Variants in ROBO2 observed in about 807,000 individuals in gnomAD.
ROBO2 encodes roundabout homolog 2.
A neutral mutation model predicts 160.8 loss-of-function variants in ROBO2; 53 were observed. That is an observed-to-expected ratio of 0.33 (90% confidence interval 0.26 to 0.41). The LOEUF is 0.41. ROBO2 is among the 10% of genes least tolerant of loss of function. ROBO2 has a pLI of 1.00. For synonymous variants in ROBO2, 664 were observed against 611.7 expected (o/e 1.09, Z -1.26); for missense variants, 1,577 against 1,722.4 (o/e 0.92, Z 1.49).
intron 2 of ROBO2, among the ~76,000 whole-genome samples, chr3:77,402,501 A>G (rs1359289854): frequency 6.6e-6 from 1 of 152,214 alleles, no homozygotes; most frequent in East Asian, 1.9e-4. Context: ...GCAATCTCCC[A>G]GTAAACAGAA....
chr3:76,854,915 A>T (rs1268493959), intron 2 of ROBO2, among the ~76,000 whole-genome samples: 1 of 152,116 alleles, frequency 6.6e-6, no homozygotes, highest in East Asian at 1.9e-4. Flanking sequence ...AACCAAAAGA[A>T]CCTAATTGTA....
intron 2 of ROBO2, among the ~76,000 whole-genome samples, chr3:75,957,873 A>G (rs1948776218): frequency 6.6e-6 from 1 of 151,654 alleles, no homozygotes; most frequent in Non-Finnish European, 1.5e-5. Context: ...AGCTTTGTTC[A>G]GTTATATACT....
intron 2 of ROBO2, among the ~76,000 whole-genome samples, chr3:77,105,672 G>T (rs752784322): frequency 6.6e-6 from 1 of 152,114 alleles, no homozygotes; most frequent in Non-Finnish European, 1.5e-5. Context: ...TTGATACGAG[G>T]TTTATTTCTG....
At chr3:76,183,154 C>G (rs1025926151) in intron 2 of ROBO2, among the ~76,000 whole-genome samples, 1 of 152,104 alleles carries the variant, frequency 6.6e-6, no homozygotes, top group African/African-American at 2.4e-5. Context: ...TTCAGCTGTG[C>G]TGTCCAGCAG....
chr3:76,672,031 A>C (rs993975931), intron 2 of ROBO2, among the ~76,000 whole-genome samples: 5 of 152,110 alleles, frequency 3.3e-5, no homozygotes, highest in Admixed American at 1.3e-4. Flanking sequence ...ATTTGTGATT[A>C]AGATGGTCTA....
chr3:77,356,569 G>A (rs2069163657), intron 2 of ROBO2, among the ~76,000 whole-genome samples: 1 of 152,074 alleles, frequency 6.6e-6, no homozygotes, highest in Non-Finnish European at 1.5e-5. Flanking sequence ...ATAACAAAAG[G>A]CAGATTAATA....
chr3:76,570,882 TCTAC>T (rs1255106537), intron 2 of ROBO2, among the ~76,000 whole-genome samples: 1 of 152,182 alleles, frequency 6.6e-6, no homozygotes, highest in Non-Finnish European at 1.5e-5. Context: ...TTTTCAGAAT[TCTAC>T]CTCTCTCCTG....
chr3:76,834,952 T>C (rs537012393), intron 2 of ROBO2, among the ~76,000 whole-genome samples: 2 of 152,104 alleles, frequency 1.3e-5, no homozygotes, highest in Admixed American at 1.3e-4. Flanking sequence ...ACTTTGAACA[T>C]CTGTTAGAAA....
intron 2 of ROBO2, among the ~76,000 whole-genome samples, chr3:76,380,707 A>T (rs566262143): frequency 6.6e-6 from 1 of 151,398 alleles, no homozygotes; most frequent in Non-Finnish European, 1.5e-5. Flanking sequence ...GAGTTTTGGG[A>T]AAGTCAAACG....
chr3:77,063,854 TCTA>T (rs2066568504), intron 1 of ROBO2, among the ~76,000 whole-genome samples: 1 of 152,220 alleles, frequency 6.6e-6, no homozygotes, highest in Non-Finnish European at 1.5e-5. Flanking sequence ...TAAAAATTAC[TCTA>T]CTTATCATCT....
intron 2 of ROBO2, among the ~76,000 whole-genome samples, chr3:76,668,163 C>T (rs1334961860): frequency 6.6e-6 from 1 of 152,092 alleles, no homozygotes; most frequent in African/African-American, 2.4e-5. Flanking sequence ...GTAGCGGCCC[C>T]ATTATGGCTC....
chr3:77,467,765 G>T (rs80347647), intron 2 of ROBO2, among the ~76,000 whole-genome samples: 1 of 148,094 alleles, frequency 6.8e-6, no homozygotes, highest in East Asian at 2.0e-4. Context: ...AAAAAAAAAA[G>T]CCAGCCTGTG....
At chr3:76,845,043 T>C (rs767794682) in intron 2 of ROBO2, among the ~76,000 whole-genome samples, 7 of 152,000 alleles carry the variant, frequency 4.6e-5, no homozygotes, top group Non-Finnish European at 8.8e-5. Flanking sequence ...AAAATGCAGT[T>C]GTGGTCATCA....
At chr3:76,565,642 T>G (rs1209107817) in intron 2 of ROBO2, among the ~76,000 whole-genome samples, 1 of 152,218 alleles carries the variant, frequency 6.6e-6, no homozygotes, top group African/African-American at 2.4e-5. Context: ...CTATCTCATC[T>G]CCTGGGCCTT....
intron 2 of ROBO2, among the ~76,000 whole-genome samples, chr3:77,453,964 T>A (rs1361725709): frequency 1.3e-5 from 2 of 152,016 alleles, no homozygotes; most frequent in East Asian, 3.9e-4. Flanking sequence ...CAAATACATG[T>A]TTTTTTGCTC....
At chr3:76,639,712 C>T (rs2090548285) in intron 2 of ROBO2, among the ~76,000 whole-genome samples, 1 of 152,094 alleles carries the variant, frequency 6.6e-6, no homozygotes, top group African/African-American at 2.4e-5. Context: ...TCATCTCACA[C>T]GAATACATGA....
chr3:76,925,887 G>A (rs1190707698), intron 2 of ROBO2, among the ~76,000 whole-genome samples: 3 of 152,178 alleles, frequency 2.0e-5, no homozygotes, highest in South Asian at 2.1e-4. Flanking sequence ...AGTTCAGAAA[G>A]AGCCTATAAT....
chr3:76,646,128 A>T (rs982814229), intron 2 of ROBO2, among the ~76,000 whole-genome samples: 1 of 152,140 alleles, frequency 6.6e-6, no homozygotes, highest in East Asian at 1.9e-4. Flanking sequence ...TTTAGAGTCA[A>T]TTGGTGCTAA....
chr3:76,022,284 C>T (rs963772382), intron 2 of ROBO2, among the ~76,000 whole-genome samples: 1 of 151,724 alleles, frequency 6.6e-6, no homozygotes, highest in African/African-American at 2.4e-5. Flanking sequence ...GAGTTGGACT[C>T]AACTTCTTCT....
Sources: allele counts gnomAD v4.1 joint callset (sites outside exome capture counted in the v4.1 genomes callset), GRCh38; gene constraint gnomAD v4.1.1; transcripts MANE v1.5; gene names NCBI Gene and HGNC (gene_info 2026-07-23, HGNC 2026-07-21).